GABRP: variants seen among roughly 807,000 people sequenced by gnomAD.
The protein encoded by GABRP is gamma-aminobutyric acid type A receptor subunit pi.
Under a neutral mutation model 47.8 loss-of-function variants are expected in GABRP, and 52 were observed. That is an observed-to-expected ratio of 1.09 (90% CI 0.87 to 1.37). The LOEUF is 1.37. Ranked by LOEUF, GABRP falls within the 40% of genes most tolerant of loss-of-function variation. GABRP has a pLI of 0.00. For missense variants in GABRP, 525 were observed against 542.8 expected (o/e 0.97, Z 0.33); for synonymous variants, 221 against 205.8 (o/e 1.07, Z -0.63).
At chr5:170,800,198 A>G (rs939457962) in intron 6 of GABRP, among the ~76,000 whole-genome samples, 172 of 152,314 alleles carry the variant, frequency 1.1e-3, no homozygotes, top group African/African-American at 3.4e-3. Flanking sequence ...CACATCTACA[A>G]CTATCTGATC....
Position 170,805,722 on chromosome 5 carries a change from A to G in GABRP, c.548A>G (p.Tyr183Cys), listed in dbSNP as rs769348904. ...TCKLQLESWG[Y>C]DGNDVEFTWL... ...GCTCCATTTTATTTGCCAGGGGGCT[A>G]TGATGGAAATGATGTGGAGTTCACC... Residue 183 changes from tyrosine (Y) to cysteine (C), a missense_variant, in exon 7 of 10, where the codon TAT becomes TGT. Tyr to Cys is a radical substitution (Grantham distance 194). Coordinates refer to ENST00000265294, the MANE Select transcript of GABRP (RefSeq NM_014211.3). The G allele has an allele frequency of 5.6e-6, 9 of 1,614,088 alleles. No homozygotes were observed. The highest frequency in any genetic ancestry group is 1.3e-5 in the African/African-American group (1 of 75,056).
intron 5 of GABRP, among the ~76,000 whole-genome samples, chr5:170,795,719 A>T (rs925166420): frequency 6.6e-6 from 1 of 152,142 alleles, no homozygotes; most frequent in African/African-American, 2.4e-5. Context: ...CAAGTTAGGG[A>T]GTAGGTGAGT....
At chr5:170,791,223 C>T (rs955344508) in intron 3 of GABRP, among the ~76,000 whole-genome samples, 4 of 152,234 alleles carry the variant, frequency 2.6e-5, no homozygotes, top group African/African-American at 4.8e-5. Context: ...TGTGATGCCT[C>T]ATCCCACCTG....
chr5:170,810,525 A>G (rs979629841), intron 9 of GABRP, among the ~76,000 whole-genome samples: 2 of 152,192 alleles, frequency 1.3e-5, no homozygotes, highest in African/African-American at 4.8e-5. Flanking sequence ...CTTATCCGCT[A>G]TTCCCACTTG....
At chr5:170,790,619 C>G (rs1398296353) in intron 3 of GABRP, among the ~76,000 whole-genome samples, 1 of 151,952 alleles carries the variant, frequency 6.6e-6, no homozygotes, top group East Asian at 1.9e-4. Flanking sequence ...CAGGTCTGGC[C>G]TCAGGGAAGG....
intron 1 of GABRP, among the ~76,000 whole-genome samples, chr5:170,787,743 G>A (rs1411306547): frequency 6.6e-6 from 1 of 152,198 alleles, no homozygotes; most frequent in Non-Finnish European, 1.5e-5. Context: ...CAAGGCCACT[G>A]TGAGGATGGA....
intron 1 of GABRP, among the ~76,000 whole-genome samples, chr5:170,786,636 C>T (rs1449051718): frequency 6.6e-6 from 1 of 152,164 alleles, no homozygotes; most frequent in Admixed American, 6.5e-5. Context: ...TTCTGCCCCT[C>T]ATGTACTACT....
intron 9 of GABRP, among the ~76,000 whole-genome samples, chr5:170,811,089 A>C (rs1765871038): frequency 6.6e-6 from 1 of 150,618 alleles, no homozygotes; most frequent in African/African-American, 2.4e-5. Context: ...ACATCCGTCA[A>C]CATCTCCTTT....
intron 6 of GABRP, among the ~76,000 whole-genome samples, chr5:170,799,643 G>C (rs187376648): frequency 6.6e-6 from 1 of 151,990 alleles, no homozygotes; most frequent in Non-Finnish European, 1.5e-5. Context: ...TTTTTTTCTC[G>C]TAAATTTGTT....
chr5:170,803,904 G>A (rs1019913803), intron 6 of GABRP, among the ~76,000 whole-genome samples: 14 of 152,036 alleles, frequency 9.2e-5, no homozygotes, highest in Admixed American at 7.2e-4. Context: ...AGCCTCCCAA[G>A]TAGCTGGCAT....
chr5:170,802,382 G>A (rs2127261393), intron 6 of GABRP, among the ~76,000 whole-genome samples: 1 of 152,210 alleles, frequency 6.6e-6, no homozygotes, highest in Non-Finnish European at 1.5e-5. Flanking sequence ...GGTCACAAGT[G>A]GGCAACATCT....
At chr5:170,785,758 A>C (rs962928549) in intron 1 of GABRP, among the ~76,000 whole-genome samples, 7 of 152,210 alleles carry the variant, frequency 4.6e-5, no homozygotes, top group Admixed American at 1.3e-4. Flanking sequence ...GAAATGAGGA[A>C]TATGCCAAAG....
In GABRP at chr5:170,794,279, G is replaced by A. The variant is rs1765361648; in HGVS notation, c.221G>A (p.Ser74Asn). The change falls in exon 4 of 10, where the codon AGC becomes AAC. Residue 74 changes from serine to asparagine, a missense_variant. By Grantham distance (46) the Ser-to-Asn change is conservative. Coordinates refer to ENST00000265294, the MANE Select transcript of GABRP (RefSeq NM_014211.3). ...ACTCTGGACATTGCAAGTATCTCTA[G>A]CATTTCAGAGAGTAACATGGTAAGC... The part of the protein sequence containing the change: ...ALTLDIASIS[S>N]ISESNMDYTA... 2 of 1,608,242 alleles carry A rather than the reference G, an allele frequency of 1.2e-6. No homozygotes were observed. Among genetic ancestry groups the A allele is most frequent in the Non-Finnish European group, 8.5e-7 (1 of 1,177,662 alleles).
chr5:170,811,594 T>C (rs1361335871), intron 9 of GABRP, among the ~76,000 whole-genome samples: 1 of 152,124 alleles, frequency 6.6e-6, no homozygotes, highest in East Asian at 1.9e-4. Context: ...GGAAATAAAG[T>C]CTTGGAGGGA....
chr5:170,808,840 C>A, intron 8 of GABRP, 88 bp downstream of exon 8: 1 of 1,154,260 alleles, frequency 8.7e-7, no homozygotes, highest in Non-Finnish European at 1.2e-6. Context: ...ATTGATATTC[C>A]TAAGGCAGTT....
rs1765803067 is a variant in GABRP, at chr5:170,808,750, T to C, written c.830T>C (p.Ile277Thr). 1 of 1,613,842 alleles carries C rather than the reference T, an allele frequency of 6.2e-7. No homozygotes were observed. Among genetic ancestry groups the C allele is most frequent in the Non-Finnish European group, 8.5e-7 (1 of 1,179,880 alleles). Residue 277 changes from isoleucine to threonine, a missense_variant and splice_region_variant, in exon 8 of 10, where the codon ATT (isoleucine) becomes ACT (threonine). Ile to Thr is a moderately conservative substitution (Grantham distance 89). Transcript: ENST00000265294. ...GATTCAGTCCCTGCAAGAACCTGCA[T>C]TGGTAAGCAGCTCCAACAGGAGATT... is the stretch of plus-strand genomic sequence containing the variant. ...SLDSVPARTCIGVTTVLSMTT... is the reference protein window; with the variant it reads ...SLDSVPARTCTGVTTVLSMTT...
chr5:170,790,546 G>A (rs1765237169), intron 3 of GABRP, among the ~76,000 whole-genome samples: 1 of 152,170 alleles, frequency 6.6e-6, no homozygotes, highest in Non-Finnish European at 1.5e-5. Flanking sequence ...TATTTAGGGG[G>A]ACTATGTCTA....
rs34205573 is a variant in GABRP at position 170,804,233 on chromosome 5, G to GATAT, written c.542-1476_542-1473dup. ...ATATTCATGTGAGATAGATGAGATA[G>GATAT]ATATATATATCAAATTTTATTTATT... is the stretch of plus-strand genomic sequence containing the variant. On this transcript the variant is annotated intron_variant, in intron 6 of 9. Transcript: ENST00000265294. Among the ~76,000 whole-genome samples the GATAT allele has an allele frequency of 1.7e-3, 251 of 150,574 alleles. 2 individuals carry two copies. Among genetic ancestry groups the GATAT allele is most frequent in the African/African-American group, 5.7e-3 (235 of 40,988 alleles).
chr5:170,805,682 C>T (rs1479044007), intron 6 of GABRP, 34 bp from the exon 7 acceptor site: 3 of 1,612,882 alleles, frequency 1.9e-6, no homozygotes, highest in South Asian at 1.1e-5. Context: ...CTGGAACACC[C>T]TTGCACTGAC....
Sources: allele counts gnomAD v4.1 joint callset (sites outside exome capture counted in the v4.1 genomes callset), GRCh38; gene constraint gnomAD v4.1.1; transcripts MANE v1.5; gene names NCBI Gene and HGNC (gene_info 2026-07-23, HGNC 2026-07-21).